Variants in EDIL3 observed in about 807,000 individuals in gnomAD.
The protein encoded by EDIL3 is EGF-like repeat and discoidin I-like domain-containing protein 3.
A neutral mutation model predicts 67.4 loss-of-function variants in EDIL3; 37 were observed. The observed-to-expected ratio is 0.55, with a 90% CI of 0.42 to 0.72. The LOEUF (loss-of-function observed/expected upper bound fraction) is 0.72, where lower values mean the gene tolerates loss of function less well. EDIL3 is among the 30% of genes least tolerant of loss of function. The pLI is 0.00. For missense variants in EDIL3, 527 were observed against 586.3 expected, an observed-to-expected ratio of 0.90 and a Z score of 1.04; for synonymous variants, 195 against 196.3, an observed-to-expected ratio of 0.99 and a Z score of 0.05.
At chr5:84,199,087 G>A (rs913560049) in intron 3 of EDIL3, among the ~76,000 whole-genome samples, 4 of 151,968 alleles carry the variant, frequency 2.6e-5, no homozygotes, top group African/African-American at 9.7e-5. Context: ...AAAACAGTAT[G>A]AGCCCTTAAG....
intron 9 of EDIL3, among the ~76,000 whole-genome samples, chr5:84,034,582 T>C (rs1293279545): frequency 6.6e-6 from 1 of 152,146 alleles, no homozygotes; most frequent in Non-Finnish European, 1.5e-5. Context: ...TTACCTACCA[T>C]ATCCAAGTGG....
chr5:84,068,044 G>A (rs1021097159), intron 6 of EDIL3, among the ~76,000 whole-genome samples: 2 of 152,114 alleles, frequency 1.3e-5, no homozygotes, highest in Admixed American at 6.6e-5. Context: ...CCTCATGAAT[G>A]TAAATTTTAC....
At chr5:84,151,240 G>C (rs1194296290) in intron 4 of EDIL3, among the ~76,000 whole-genome samples, 1 of 148,738 alleles carries the variant, frequency 6.7e-6, no homozygotes. Context: ...TGTAAACTAA[G>C]AACTGCATAC....
chr5:84,176,518 C>T (rs191927344), intron 4 of EDIL3, among the ~76,000 whole-genome samples: 2 of 151,076 alleles, frequency 1.3e-5, no homozygotes, highest in East Asian at 2.0e-4. Context: ...GTACAGAATG[C>T]CTTCTGTGGG....
intron 9 of EDIL3, among the ~76,000 whole-genome samples, chr5:83,971,445 T>C (rs2112138613): frequency 6.6e-6 from 1 of 151,960 alleles, no homozygotes; most frequent in Non-Finnish European, 1.5e-5. Flanking sequence ...TAACCTTTTA[T>C]TTTTTGCAGA....
At chr5:84,324,220 C>T (rs904373842) in intron 1 of EDIL3, among the ~76,000 whole-genome samples, 21 of 151,794 alleles carry the variant, frequency 1.4e-4, no homozygotes, top group African/African-American at 5.1e-4. Context: ...AACCTGTCTT[C>T]TCCAGCCACA....
At chr5:84,022,314 A>C (rs1745732406) in intron 9 of EDIL3, among the ~76,000 whole-genome samples, 1 of 151,950 alleles carries the variant, frequency 6.6e-6, no homozygotes, top group African/African-American at 2.4e-5. Flanking sequence ...ATGGACAAAA[A>C]CCATATGATA....
chr5:84,009,882 C>T (rs151151524), intron 9 of EDIL3, among the ~76,000 whole-genome samples: 7 of 152,322 alleles, frequency 4.6e-5, no homozygotes, highest in African/African-American at 7.2e-5. Context: ...CCCTACATCC[C>T]TGTCCCTGTC....
chr5:84,170,127 G>T (rs1168419962), intron 4 of EDIL3, among the ~76,000 whole-genome samples: 1 of 152,180 alleles, frequency 6.6e-6, no homozygotes, highest in Non-Finnish European at 1.5e-5. Flanking sequence ...CTTGTTTATA[G>T]CTGCCTTTAC....
At chr5:84,248,863 C>G (rs1467368266) in intron 2 of EDIL3, among the ~76,000 whole-genome samples, 1 of 152,186 alleles carries the variant, frequency 6.6e-6, no homozygotes, top group East Asian at 1.9e-4. Flanking sequence ...TTAGTTACCA[C>G]ATTGACAGAA....
chr5:84,280,592 A>G (rs1475063925), intron 1 of EDIL3, among the ~76,000 whole-genome samples: 1 of 152,160 alleles, frequency 6.6e-6, no homozygotes, highest in East Asian at 1.9e-4. Context: ...TGTCTTTGTC[A>G]TAGACTAGTT....
intron 1 of EDIL3, among the ~76,000 whole-genome samples, chr5:84,329,227 C>A (rs917552645): frequency 2.6e-5 from 4 of 151,854 alleles, no homozygotes; most frequent in African/African-American, 9.7e-5. Context: ...ACCTTAATGC[C>A]AAATCTAATA....
chr5:84,356,363 A>G (rs1484714968), intron 1 of EDIL3, among the ~76,000 whole-genome samples: 1 of 152,218 alleles, frequency 6.6e-6, no homozygotes, highest in Non-Finnish European at 1.5e-5. Flanking sequence ...AGTGGGGAAC[A>G]TGCTTTTCCA....
At chr5:84,339,132 A>G (rs968553610) in intron 1 of EDIL3, among the ~76,000 whole-genome samples, 5 of 151,638 alleles carry the variant, frequency 3.3e-5, no homozygotes, top group African/African-American at 1.2e-4. Flanking sequence ...TAAAATAACG[A>G]CTCTTGAGCC....
chr5:84,214,689 G>T (rs1744190617), intron 3 of EDIL3, among the ~76,000 whole-genome samples: 1 of 149,748 alleles, frequency 6.7e-6, no homozygotes, highest in African/African-American at 2.4e-5. Flanking sequence ...CCCTCTCTTT[G>T]TATCATCCTA....
Position 84,160,350 on chromosome 5 carries a change from G to C in EDIL3, c.355+20043C>G, listed in dbSNP as rs533516482. On this transcript the variant is annotated intron_variant, in intron 4 of 10. Transcript: ENST00000296591. ...ACAACTACTCTATAAGTAGTGTCTAGGAAGATGAATCTGGGGATTTAAAAT... is the reference window on the plus strand; with the variant it reads ...ACAACTACTCTATAAGTAGTGTCTACGAAGATGAATCTGGGGATTTAAAAT... 1.4e-4 allele frequency among the ~76,000 whole-genome samples: 21 copies of C among 152,138 alleles called. No homozygotes were observed. In the East Asian group the frequency reaches 4.1e-3, roughly 29 times the overall value.
At chr5:84,253,629 A>G (rs922258113) in intron 2 of EDIL3, among the ~76,000 whole-genome samples, 1 of 152,200 alleles carries the variant, frequency 6.6e-6, no homozygotes, top group African/African-American at 2.4e-5. Flanking sequence ...TTATATGCTT[A>G]GAAATATAAA....
At chr5:83,982,326 CTT>C (rs1314311036) in intron 9 of EDIL3, among the ~76,000 whole-genome samples, 1 of 152,028 alleles carries the variant, frequency 6.6e-6, no homozygotes, top group Non-Finnish European at 1.5e-5. Context: ...CAATTAATAA[CTT>C]AAAATTAATA....
At chr5:84,334,077 T>A (rs2112169241) in intron 1 of EDIL3, among the ~76,000 whole-genome samples, 1 of 151,988 alleles carries the variant, frequency 6.6e-6, no homozygotes, top group Admixed American at 6.6e-5. Context: ...ATTTTTTTTT[T>A]TTTTTTGAGA....
Sources: gnomAD v4.1 joint callset for allele counts (sites outside exome capture counted in the v4.1 genomes callset) on GRCh38, gnomAD v4.1.1 for gene constraint, MANE v1.5 for transcripts, NCBI Gene and HGNC (gene_info 2026-07-23, HGNC 2026-07-21) for gene names.